The following CLK3 variants were observed in gnomAD, a reference collection of about 807,000 sequenced individuals.
CLK3 encodes the protein CDC like kinase 3.
In CLK3, 24 loss-of-function variants were observed where a neutral mutation model predicts 65.2. The observed-to-expected ratio is 0.37, with a 90% CI of 0.27 to 0.52. CLK3 has a LOEUF of 0.52. Among genes scored for constraint, CLK3 ranks in the 20% least tolerant of loss-of-function variants. The pLI is 0.92. For missense variants in CLK3, 506 were observed against 660.0 expected (o/e 0.77, Z 2.56); for synonymous variants, 252 against 240.8 (o/e 1.05, Z -0.43).
chr15:74,622,280 C>A lies in CLK3; in HGVS notation c.466+64C>A. ...CTACCCCCCTTGTTAGACGAGACCTCTCCTGCCTGGAGGGGCCTCTAGTGC... is the reference window on the plus strand; with the variant it reads ...CTACCCCCCTTGTTAGACGAGACCTATCCTGCCTGGAGGGGCCTCTAGTGC... On this transcript the variant is annotated intron_variant, in intron 4 of 12. Coordinates refer to ENST00000395066, the MANE Select transcript of CLK3 (RefSeq NM_001130028.2). This position sits in a 1 kb window ranked among gnomAD's most constrained non-coding sequence, Gnocchi z 4.6. 1 of 1,507,554 alleles carries A rather than the reference C, an allele frequency of 6.6e-7. No individual in the cohort carries two copies. Among genetic ancestry groups the A allele is most frequent in the Admixed American group, 1.7e-5 (1 of 57,364 alleles). 93.4% of individuals were successfully genotyped at this position (1,507,554 alleles called of 1,614,324 possible). A position where few individuals can be genotyped will look rare whatever the true frequency, so the allele number is the denominator to read the frequency against.
chr15:74,628,707 A>G (rs2062164426), intron 11 of CLK3, 24 bp downstream of exon 11: 2 of 1,594,670 alleles, frequency 1.3e-6, no homozygotes, highest in African/African-American at 1.3e-5. Flanking sequence ...TAGCCCCCTC[A>G]GGGTTGGTAT....
At chr15:74,625,722 G>A (rs1454877572) in intron 6 of CLK3, 80 bp from the exon 7 acceptor site, 17 of 1,498,480 alleles carry the variant, frequency 1.1e-5, no homozygotes, top group Non-Finnish European at 1.5e-5. Context: ...GGAGAGAGTT[G>A]GGAACTGTCT....
chr15:74,610,973 C>G (rs576299071), upstream of CLK3, among the ~76,000 whole-genome samples: 10 of 152,332 alleles, frequency 6.6e-5, no homozygotes, highest in East Asian at 1.5e-3. Context: ...CCATCTCCCC[C>G]TCTCTGGGGC....
Position 74,625,962 on chromosome 15 carries a change from C to A in CLK3, c.811C>A (p.Leu271Ile). 1 of 1,614,044 alleles carries A rather than the reference C, an allele frequency of 6.2e-7. No individual in the cohort carries two copies. Among genetic ancestry groups the A allele is most frequent in the Non-Finnish European group, 8.5e-7 (1 of 1,179,920 alleles). The change falls in exon 7 of 13, where the codon CTT (leucine) becomes ATT (isoleucine). Residue 271 changes from leucine (L) to isoleucine (I), a missense_variant. By Grantham distance (5) the Leu-to-Ile change is conservative (BLOSUM62 2). Coordinates refer to ENST00000395066, the MANE Select transcript of CLK3 (RefSeq NM_001130028.2). Reference sequence around the variant, plus strand: ...CATGGCCTACCAGCTCTGCCACGCCCTTAGATGTAAGTGTCCACCCTCAAA... The same window carrying A: ...CATGGCCTACCAGCTCTGCCACGCCATTAGATGTAAGTGTCCACCCTCAAA... The part of the protein sequence containing the change: ...RHMAYQLCHA[L>I]RFLHENQLTH...
upstream of CLK3, chr15:74,615,538 G>T: frequency 7.8e-7 from 1 of 1,285,986 alleles, no homozygotes; most frequent in African/African-American, 1.5e-5. Context: ...CCACGGCCAG[G>T]TCGGGGCCCC....
chr15:74,625,763 C>T (rs1261536624), intron 6 of CLK3, 39 bp from the exon 7 acceptor site: 2 of 1,610,788 alleles, frequency 1.2e-6, no homozygotes, highest in Non-Finnish European at 1.7e-6. Context: ...GGCAGGCCCC[C>T]AGCACACAGC....
rs756912686 is a variant in CLK3 at position 74,628,034 on chromosome 15, G to A, written c.1107G>A (p.Arg369=). The A allele has an allele frequency of 1.2e-5, 19 of 1,612,712 alleles. No individual in the cohort carries two copies. Among genetic ancestry groups the A allele is most frequent in the Middle Eastern group, 1.6e-4 (1 of 6,078 alleles). ...GCTGCATTCTCTTTGAGTACTACCG[G>A]GGCTTCACACTCTTCCAGGTACAGC... ...SIGCILFEYY[R]GFTLFQTHEN... The change falls in exon 10 of 13, where the codon CGG becomes CGA. Residue 369 remains arginine (R), a synonymous_variant. Transcript: ENST00000395066.
chr15:74,620,883 G>A lies in CLK3; in HGVS notation c.369+658G>A, dbSNP rs114949067. 1,343 of 153,218 alleles carry A rather than the reference G, an allele frequency of 8.8e-3. 24 individuals carry two copies. The highest frequency in any genetic ancestry group is 0.031 in the African/African-American group (1,277 of 41,578). The allele number at this position is 153,218 out of a possible 1,614,324, so 9.5% of individuals were successfully genotyped here. A position where few individuals can be genotyped will look rare whatever the true frequency, so the allele number is the denominator to read the frequency against. ...GTGAAGAAATGGCAGAAAGGCTGCC[G>A]CCCCAGGCCTCGTCCAGTTGCAGGC... On this transcript the variant is annotated intron_variant, in intron 3 of 12. Transcript: ENST00000395066.
rs147079259 is a variant in CLK3, at chr15:74,627,407, T to C, written c.873T>C (p.Phe291=). The C allele has an allele frequency of 2.1e-4, 335 of 1,614,078 alleles. No individual in the cohort carries two copies. Among genetic ancestry groups the C allele is most frequent in the Admixed American group, 2.7e-4 (16 of 60,010 alleles). The change falls in exon 8 of 13, where the codon TTT becomes TTC. Residue 291 remains phenylalanine, a synonymous_variant. Transcript: ENST00000395066. The surrounding 1 kb of genome is among the most constrained non-coding windows in gnomAD (Gnocchi z 4.3). The part of the protein sequence containing the change: ...HTDLKPENIL[F]VNSEFETLYN... ...ACTTGAAACCAGAGAACATCCTGTT[T>C]GTGAATTCTGAGTTTGAAACCCTCT...
Position 74,621,627 on chromosome 15 carries a change from G to A in CLK3, c.370-493G>A, listed in dbSNP as rs1715582762. The A allele has an allele frequency of 1.2e-5, 3 of 255,328 alleles. No homozygotes were observed. Among genetic ancestry groups the A allele is most frequent in the East Asian group, 9.8e-5 (1 of 10,192 alleles). The allele number at this position is 255,328 out of a possible 1,614,324, so 15.8% of individuals were successfully genotyped here. A position where few individuals can be genotyped will look rare whatever the true frequency, so the allele number is the denominator to read the frequency against. On this transcript the variant is annotated intron_variant, in intron 3 of 12. Coordinates refer to ENST00000395066, the MANE Select transcript of CLK3 (RefSeq NM_001130028.2). The surrounding 1 kb of genome is among the most constrained non-coding windows in gnomAD (Gnocchi z 4.8). ...TTCTGCAGCTGAAGCCGGAGCAGCCGCTGACCAGTCTGGATGGTTGGACCC... is the reference window on the plus strand; with the variant it reads ...TTCTGCAGCTGAAGCCGGAGCAGCCACTGACCAGTCTGGATGGTTGGACCC...
chr15:74,616,010 C>T (rs1596285182), intron 1 of CLK3, 112 bp downstream of exon 1: 4 of 850,110 alleles, frequency 4.7e-6, no homozygotes, highest in Non-Finnish European at 4.7e-6. Context: ...CTTTCTTTCT[C>T]CTCTTCGGCC....
At chr15:74,614,543 T>C (rs1033884941), upstream of CLK3, among the ~76,000 whole-genome samples, 1 of 152,212 alleles carries the variant, frequency 6.6e-6, no homozygotes, top group African/African-American at 2.4e-5. Context: ...TTACTTCGGA[T>C]AGCCATGGTG....
chr15:74,610,030 C>T (rs971831787), intron 1 of CLK3, among the ~76,000 whole-genome samples: 1 of 152,236 alleles, frequency 6.6e-6, no homozygotes, highest in African/African-American at 2.4e-5. Context: ...GCGCTGCCTT[C>T]CTTCTCTAGA....
chr15:74,625,919 C>G lies in CLK3; in HGVS notation c.768C>G (p.Pro256=), dbSNP rs755457905. The part of the protein sequence containing the change: ...FLKENNFQPY[P]LPHVRHMAYQ... The stretch of plus-strand genomic sequence containing the variant: ...AGGAGAATAACTTCCAGCCTTACCC[C>G]CTACCACATGTCCGGCACATGGCCT... The change falls in exon 7 of 13, where the codon CCC becomes CCG. Residue 256 remains proline, a synonymous_variant. Transcript: ENST00000395066. The G allele has an allele frequency of 2.5e-6, 4 of 1,614,144 alleles. No homozygotes were observed. Among genetic ancestry groups the G allele is most frequent in the South Asian group, 2.2e-5 (2 of 91,086 alleles).
chr15:74,608,760 G>A (rs1468367865), intron 1 of CLK3: 1 of 152,252 alleles, frequency 6.6e-6, no homozygotes, highest in African/African-American at 2.4e-5. Context: ...AAGGGAGACT[G>A]GCTCTGGTCG....
chr15:74,624,584 C>T lies in CLK3; in HGVS notation c.534-318C>T, dbSNP rs188453055. 994 of 370,420 alleles carry T rather than the reference C, an allele frequency of 2.7e-3. No individual in the cohort carries two copies. Among genetic ancestry groups the T allele is most frequent in the Non-Finnish European group, 4.0e-3 (796 of 196,634 alleles). The allele number at this position is 370,420 out of a possible 1,614,324, so 22.9% of individuals were successfully genotyped here. On this transcript the variant is annotated intron_variant, in intron 5 of 12. Transcript: ENST00000395066. The surrounding 1 kb of genome is among the most constrained non-coding windows in gnomAD (Gnocchi z 4.2). ...CCTATAGGTTAGGTCACTGTGTGAG[C>T]TCTTGGACTGGCACTGGTTAAGCAG...
upstream of CLK3, chr15:74,615,534 C>A: frequency 7.8e-7 from 1 of 1,289,090 alleles, no homozygotes. Context: ...AGCCCCACGG[C>A]CAGGTCGGGG....
Position 74,624,921 on chromosome 15 carries a change from C to T in CLK3, c.553C>T (p.Leu185=). ...TACCAGAGGGAAGTCTCAGGTTGCC[C>T]TGAAGATCATCCGCAACGTGGGCAA... ...DHARGKSQVA[L]KIIRNVGKYR... Residue 185 remains leucine (L), a synonymous_variant, in exon 6 of 13, where the codon CTG becomes TTG. Coordinates refer to ENST00000395066, the MANE Select transcript of CLK3 (RefSeq NM_001130028.2). The surrounding 1 kb of genome is among the most constrained non-coding windows in gnomAD (Gnocchi z 4.2). The T allele has an allele frequency of 6.2e-7, 1 of 1,607,842 alleles. No homozygotes were observed. The highest frequency in any genetic ancestry group is 1.1e-5 in the South Asian group (1 of 89,832).
chr15:74,618,891 A>C (rs1329989017), intron 1 of CLK3, among the ~76,000 whole-genome samples: 1 of 152,062 alleles, frequency 6.6e-6, no homozygotes, highest in African/African-American at 2.4e-5. Flanking sequence ...CACCGTCCCC[A>C]CCCAGGGTTA....
Sources: allele counts gnomAD v4.1 joint callset (sites outside exome capture counted in the v4.1 genomes callset), GRCh38; gene constraint gnomAD v4.1.1; non-coding constraint Gnocchi (gnomAD v3.1); transcripts MANE v1.5; gene names NCBI Gene and HGNC (gene_info 2026-07-23, HGNC 2026-07-21).